The following NRXN3 variants were observed in gnomAD, a reference collection of about 807,000 sequenced individuals.
NRXN3 encodes neurexin III.
In NRXN3, 32 loss-of-function variants were observed where a neutral mutation model predicts 137.6. The ratio of observed to expected loss-of-function variants is 0.23; its 90% confidence interval spans 0.18 to 0.31. The LOEUF (loss-of-function observed/expected upper bound fraction) is 0.31, where lower values mean the gene tolerates loss of function less well. Among genes scored for constraint, NRXN3 ranks in the 10% least tolerant of loss-of-function variants. The pLI, the probability that NRXN3 is intolerant of heterozygous loss-of-function variation, is 1.00. For missense variants in NRXN3, 1,574 were observed against 2,062.5 expected (o/e 0.76, Z 4.59); for synonymous variants, 798 against 784.5 (o/e 1.02, Z -0.29).
At chr14:79,418,457 A>C (rs1213704218) in intron 15 of NRXN3, among the ~76,000 whole-genome samples, 2 of 152,142 alleles carry the variant, frequency 1.3e-5, no homozygotes, top group African/African-American at 4.8e-5. Context: ...ATGGGCAATA[A>C]ATAACCATCC....
At chr14:78,418,966 C>T (rs1297989741) in intron 4 of NRXN3, among the ~76,000 whole-genome samples, 1 of 152,238 alleles carries the variant, frequency 6.6e-6, no homozygotes, top group African/African-American at 2.4e-5. Flanking sequence ...ACTATATTAC[C>T]TCCCAAACAA....
intron 15 of NRXN3, among the ~76,000 whole-genome samples, chr14:79,018,439 A>G (rs369271050): frequency 6.6e-6 from 1 of 152,156 alleles, no homozygotes; most frequent in South Asian, 2.1e-4. Context: ...CCACTTCTAC[A>G]TGCATTGGAG....
intron 4 of NRXN3, among the ~76,000 whole-genome samples, chr14:78,571,215 T>C (rs2096886345): frequency 6.6e-6 from 1 of 152,204 alleles, no homozygotes; most frequent in Admixed American, 6.5e-5. Flanking sequence ...TCACAACTTA[T>C]TTTAAAGATA....
chr14:78,561,067 TG>T, intron 4 of NRXN3, among the ~76,000 whole-genome samples: 1 of 152,190 alleles, frequency 6.6e-6, no homozygotes, highest in Non-Finnish European at 1.5e-5. Flanking sequence ...TCATATTACA[TG>T]TTTAACACTG....
At chr14:79,557,950 T>C (rs780007114) in intron 16 of NRXN3, among the ~76,000 whole-genome samples, 31 of 152,170 alleles carry the variant, frequency 2.0e-4, no homozygotes, top group Admixed American at 3.3e-4. Context: ...GTTTATGAAA[T>C]ATTCTACATC....
chr14:79,711,855 G>C (rs1360970418), intron 19 of NRXN3, among the ~76,000 whole-genome samples: 1 of 152,156 alleles, frequency 6.6e-6, no homozygotes, highest in Non-Finnish European at 1.5e-5. Flanking sequence ...ATGGATGATG[G>C]AGCTGGGGGG....
chr14:79,089,734 C>T lies in NRXN3; in HGVS notation c.3262+101593C>T, dbSNP rs534875214. Among the ~76,000 whole-genome samples, 43 of 152,142 alleles carry T rather than the reference C, an allele frequency of 2.8e-4. No homozygotes were observed. In the Middle Eastern group the frequency reaches 0.014, roughly 48 times the overall value. ...TGACTGCAGAACTTTTCATTCACAC[C>T]CTCAAACTCGTGCAGAGAGAAGCCA... is the stretch of plus-strand genomic sequence containing the variant. On this transcript the variant is annotated intron_variant, in intron 15 of 20. Transcript: ENST00000335750.
At chr14:78,403,825 G>A in intron 4 of NRXN3, 2 of 985,356 alleles carry the variant, frequency 2.0e-6, no homozygotes, top group Non-Finnish European at 1.2e-6. Context: ...GCTTTCTCAG[G>A]GATATGCACT....
intron 19 of NRXN3, among the ~76,000 whole-genome samples, chr14:79,743,258 G>A (rs2098968760): frequency 6.6e-6 from 1 of 152,154 alleles, no homozygotes; most frequent in Admixed American, 6.5e-5. Flanking sequence ...CAGTGACATA[G>A]GCTACGTGAC....
intron 4 of NRXN3, chr14:78,615,120 A>G (rs1424361171): frequency 6.6e-6 from 3 of 456,518 alleles, no homozygotes; most frequent in Non-Finnish European, 1.3e-5. Flanking sequence ...AGTGGATAGA[A>G]TCACAATGGT....
At chr14:79,019,628 A>G (rs2099585389) in intron 15 of NRXN3, among the ~76,000 whole-genome samples, 1 of 152,152 alleles carries the variant, frequency 6.6e-6, no homozygotes, top group Admixed American at 6.5e-5. Context: ...ACAGGAAAGG[A>G]AACTCCAAAA....
At chr14:79,617,007 G>T (rs922076238) in intron 16 of NRXN3, among the ~76,000 whole-genome samples, 7 of 151,992 alleles carry the variant, frequency 4.6e-5, no homozygotes, top group Non-Finnish European at 8.8e-5. Context: ...GATCTCATAG[G>T]CCTGATAGTC....
intron 15 of NRXN3, among the ~76,000 whole-genome samples, chr14:79,111,706 C>T (rs2053554377): frequency 6.6e-6 from 1 of 150,696 alleles, no homozygotes; most frequent in Non-Finnish European, 1.5e-5. Flanking sequence ...CCGTGGCACT[C>T]CAGCCTGGGT....
chr14:79,128,699 G>A (rs1330040918), intron 15 of NRXN3, among the ~76,000 whole-genome samples: 1 of 152,164 alleles, frequency 6.6e-6, no homozygotes, highest in Non-Finnish European at 1.5e-5. Flanking sequence ...CATAAAATGA[G>A]TTAGGGAGGA....
At chr14:78,172,341 TC>T (rs1348472126) in intron 1 of NRXN3, among the ~76,000 whole-genome samples, 4 of 152,162 alleles carry the variant, frequency 2.6e-5, no homozygotes, top group African/African-American at 9.7e-5. Context: ...CCTTCATCGT[TC>T]AAGGGCTTCT....
chr14:78,693,239 C>G (rs2098190662), intron 6 of NRXN3, among the ~76,000 whole-genome samples: 1 of 152,038 alleles, frequency 6.6e-6, no homozygotes, highest in Non-Finnish European at 1.5e-5. Flanking sequence ...CAGTCTCCAT[C>G]AAGTCAGCAA....
rs1163600980 is a variant in NRXN3, at chr14:78,412,989, G to A, written c.757+115129G>A. 2.0e-5 allele frequency among the ~76,000 whole-genome samples: 3 copies of A among 152,250 alleles called. No homozygotes were observed. In the East Asian group the frequency reaches 5.8e-4, roughly 29 times the overall value. Reference sequence around the variant, plus strand: ...ATTTAAGCCAAAGTATTTGATATGGGAACAGGAAGCCTCTTAAGGGTAAGG... The same window carrying A: ...ATTTAAGCCAAAGTATTTGATATGGAAACAGGAAGCCTCTTAAGGGTAAGG... On this transcript the variant is annotated intron_variant, in intron 4 of 20. Coordinates refer to ENST00000335750, the MANE Select transcript of NRXN3 (RefSeq NM_001330195.2).
At chr14:78,583,803 T>C (rs1566813620) in intron 4 of NRXN3, among the ~76,000 whole-genome samples, 1 of 152,176 alleles carries the variant, frequency 6.6e-6, no homozygotes, top group Non-Finnish European at 1.5e-5. Flanking sequence ...AAAATCACTC[T>C]CTAGGACAGT....
intron 4 of NRXN3, among the ~76,000 whole-genome samples, chr14:78,621,835 G>A (rs917912733): frequency 1.3e-5 from 2 of 152,208 alleles, no homozygotes; most frequent in Non-Finnish European, 2.9e-5. Context: ...TCTCTGAAAT[G>A]AAGCTGGACA....
Sources: gnomAD v4.1 joint callset for allele counts (sites outside exome capture counted in the v4.1 genomes callset) on GRCh38, gnomAD v4.1.1 for gene constraint, MANE v1.5 for transcripts, NCBI Gene and HGNC (gene_info 2026-07-23, HGNC 2026-07-21) for gene names.